BPI: variants seen among roughly 807,000 people sequenced by gnomAD.
BPI encodes bactericidal permeability-increasing protein.
BPI carries 48 observed loss-of-function variants against 57.6 expected under a neutral mutation model. That is an observed-to-expected ratio of 0.83 (90% CI 0.66 to 1.06). The LOEUF (loss-of-function observed/expected upper bound fraction) is 1.06, where lower values mean the gene tolerates loss of function less well. Ranked by LOEUF, BPI falls within the 50% of genes least tolerant of loss-of-function variation. The probability of loss-of-function intolerance (pLI) is 0.00; values close to 1 mark genes in which losing one functional copy is unlikely to be tolerated. For missense variants in BPI, 651 were observed against 609.7 expected, an observed-to-expected ratio of 1.07 and a Z score of -0.71; for synonymous variants, 237 against 238.2, an observed-to-expected ratio of 0.99 and a Z score of 0.05.
chr20:38,327,495 T>G, intron 10 of BPI, 93 bp from the exon 11 acceptor site: 2 of 1,403,298 alleles, frequency 1.4e-6, no homozygotes, highest in Non-Finnish European at 9.9e-7. Context: ...GCTGCCCTGC[T>G]GAGCCGTTGT....
In BPI at chr20:38,326,564, G is replaced by C. The variant is rs2076714675; in HGVS notation, c.1161+132G>C. 2.2e-5 allele frequency: 26 copies of C among 1,156,800 alleles called. No homozygotes were observed. In the South Asian group the frequency reaches 4.8e-4, roughly 21 times the overall value. The allele number at this position is 1,156,800 out of a possible 1,614,324, so 71.7% of individuals were successfully genotyped here. Reference sequence around the variant, plus strand: ...TGTGTCACTCCGGAGCCTGAGGCTTGAGTCACTGTACTCAATGGTGCCGAC... The same window carrying C: ...TGTGTCACTCCGGAGCCTGAGGCTTCAGTCACTGTACTCAATGGTGCCGAC... On this transcript the variant is annotated intron_variant, in intron 10 of 14. Transcript: ENST00000642449.
intron 5 of BPI, chr20:38,318,076 C>T: frequency 1.0e-6 from 1 of 957,808 alleles, no homozygotes; most frequent in South Asian, 4.8e-5. Context: ...TCTGAGACAG[C>T]AAAATCAAAC....
intron 7 of BPI, 53 bp from the exon 8 acceptor site, chr20:38,323,817 G>A (rs1360468754): frequency 2.5e-6 from 4 of 1,570,264 alleles, no homozygotes; most frequent in African/African-American, 2.7e-5. Flanking sequence ...TGGAGATGTT[G>A]ACTTATAATT....
intron 10 of BPI, among the ~76,000 whole-genome samples, chr20:38,327,083 A>G (rs986950068): frequency 1.3e-5 from 2 of 152,202 alleles, no homozygotes; most frequent in Non-Finnish European, 2.9e-5. Context: ...GGTGGCACCC[A>G]TATGGCCACT....
chr20:38,310,627 G>GCTGT lies in BPI; in HGVS notation c.511_512insCTGT (p.Val171AlafsTer21), dbSNP rs751956603. 9 of 1,613,726 alleles carry GCTGT rather than the reference G, an allele frequency of 5.6e-6. No homozygotes were observed. The South Asian group carries it at 9.9e-5, about 18-fold the overall frequency. ...CAGCAGCCACATCAACAGTGTCCAC[G>GCTGT]TGCACATCTCAAAGAGCAAAGTGGG... On this transcript the variant is annotated frameshift_variant, in exon 4 of 15. Transcript: ENST00000642449. LOFTEE classifies it high-confidence loss of function.
intron 7 of BPI, among the ~76,000 whole-genome samples, chr20:38,322,637 G>T (rs1232495374): frequency 6.6e-6 from 1 of 152,178 alleles, no homozygotes; most frequent in Non-Finnish European, 1.5e-5. Flanking sequence ...TTGAGATGGA[G>T]TTTTGTCTTG....
chr20:38,321,156 G>GGTGT (rs1568814902), intron 7 of BPI, among the ~76,000 whole-genome samples: 1 of 111,678 alleles, frequency 9.0e-6, no homozygotes. Flanking sequence ...TGGATGGATG[G>GGTGT]ATGGATGGAT....
chr20:38,309,152 C>T, intron 3 of BPI, 94 bp downstream of exon 3: 1 of 1,577,182 alleles, frequency 6.3e-7, no homozygotes, highest in South Asian at 1.1e-5. Flanking sequence ...CAATTTTTGC[C>T]TTGCCTATTA....
chr20:38,335,745 C>G (rs2076764553), intron 14 of BPI, 71 bp downstream of exon 14: 2 of 1,448,090 alleles, frequency 1.4e-6, no homozygotes, highest in Admixed American at 3.4e-5. Context: ...GGCTGCAATG[C>G]TTCCTGCATG....
At chr20:38,334,265 A>G (rs2275954) in intron 12 of BPI, among the ~76,000 whole-genome samples, 165 bp from the exon 13 acceptor site, 85,874 of 152,070 alleles carry the variant, frequency 0.56, 25,210 homozygotes, top group African/African-American at 0.74. Flanking sequence ...GCTGCCAAGT[A>G]TTCACATATC....
chr20:38,324,186 C>T (rs769873705), intron 8 of BPI, 140 bp downstream of exon 8: 57 of 1,039,194 alleles, frequency 5.5e-5, no homozygotes, highest in Non-Finnish European at 7.5e-5. Flanking sequence ...AGCTGAGTTC[C>T]AATATCGGCC....
At chr20:38,316,061 T>A (rs6024806) in intron 5 of BPI, among the ~76,000 whole-genome samples, 13 of 152,220 alleles carry the variant, frequency 8.5e-5, no homozygotes, top group African/African-American at 3.1e-4. Context: ...CTCAAACTCC[T>A]GACCTCAAGT....
chr20:38,335,770 A>G, intron 14 of BPI, 96 bp downstream of exon 14: 1 of 1,255,104 alleles, frequency 8.0e-7, no homozygotes, highest in South Asian at 1.2e-5. Flanking sequence ...GCCCTGTGTG[A>G]AGCGCCTTCT....
At position 38,334,493 on chromosome 20, in the gene BPI, G is replaced by T. The variant is rs546115728; in HGVS notation, c.1336G>T (p.Glu446Ter). 6.2e-7 allele frequency: 1 copy of T among 1,612,620 alleles called. No homozygotes were observed. Among genetic ancestry groups the T allele is most frequent in the Non-Finnish European group, 8.5e-7 (1 of 1,178,620 alleles). Residue 446 changes from glutamate to a stop codon, truncating the protein, a stop_gained and splice_region_variant, in exon 13 of 15, where the codon GAG becomes TAG. Coordinates refer to ENST00000642449, the MANE Select transcript of BPI (RefSeq NM_001725.3). LOFTEE classifies it high-confidence loss of function. ...CATTCTTGTGCTGCCCAGGGTTAAC[G>T]GTAAGGAACTTTGAAGAAACCATTC... ...VPILVLPRVN[E>*]KLQKGFPLPT...
chr20:38,324,731 G>A (rs1484672821), intron 8 of BPI, 43 bp from the exon 9 acceptor site: 4 of 1,538,492 alleles, frequency 2.6e-6, no homozygotes, highest in Admixed American at 3.3e-5. Flanking sequence ...TGCTCCGTCT[G>A]TAACAGCATC....
At chr20:38,327,472 C>A in intron 10 of BPI, 116 bp from the exon 11 acceptor site, 1 of 1,113,578 alleles carries the variant, frequency 9.0e-7, no homozygotes, top group Non-Finnish European at 1.3e-6. Flanking sequence ...GTGGGCCTGA[C>A]CCCACAGTGT....
At position 38,307,606 on chromosome 20, in the gene BPI, A is replaced by G. The variant is rs1349135955; in HGVS notation, c.170A>G (p.Lys57Arg). ...QGTAALQKELKRIKIPDYSDS... is the reference protein window; with the variant it reads ...QGTAALQKELRRIKIPDYSDS... ...ACGGCCGCTCTGCAGAAGGAGCTGA[A>G]GAGGATCAAGATTCCTGACTACTCA... Residue 57 changes from lysine (K) to arginine (R), a missense_variant, in exon 2 of 15, where the codon AAG (lysine) becomes AGG (arginine). Transcript: ENST00000642449. The G allele has an allele frequency of 6.2e-7, 1 of 1,611,584 alleles. No individual in the cohort carries two copies. Among genetic ancestry groups the G allele is most frequent in the African/African-American group, 1.3e-5 (1 of 74,706 alleles).
intron 3 of BPI, among the ~76,000 whole-genome samples, chr20:38,309,695 T>A (rs1371215978): frequency 6.6e-6 from 1 of 152,238 alleles, no homozygotes; most frequent in Non-Finnish European, 1.5e-5. Flanking sequence ...AGGGTATGAA[T>A]GCAGGGCAGG....
intron 5 of BPI, chr20:38,317,836 T>C: frequency 1.3e-6 from 2 of 1,503,152 alleles, no homozygotes; most frequent in Non-Finnish European, 1.8e-6. Flanking sequence ...CCAAGTCAGA[T>C]TTTCTCAGGC....
Sources: allele counts gnomAD v4.1 joint callset (sites outside exome capture counted in the v4.1 genomes callset), GRCh38; gene constraint gnomAD v4.1.1; transcripts MANE v1.5; gene names NCBI Gene and HGNC (gene_info 2026-07-23, HGNC 2026-07-21).